Variants in ACBD6 observed in about 807,000 individuals in gnomAD.
The protein encoded by ACBD6 is acyl-CoA binding domain containing 6.
A neutral mutation model predicts 37.2 loss-of-function variants in ACBD6; 28 were observed. That is an observed-to-expected ratio of 0.75 (90% CI 0.56 to 1.03). ACBD6 has a LOEUF of 1.03. Among genes scored for constraint, ACBD6 ranks in the 50% least tolerant of loss-of-function variants. The pLI is 0.00. For synonymous variants in ACBD6, 113 were observed against 126.8 expected, an observed-to-expected ratio of 0.89 and a Z score of 0.73; for missense variants, 340 against 337.4, an observed-to-expected ratio of 1.01 and a Z score of -0.06.
chr1:180,286,503 T>C (rs1222850640), downstream of ACBD6, among the ~76,000 whole-genome samples: 1 of 152,220 alleles, frequency 6.6e-6, no homozygotes, highest in Non-Finnish European at 1.5e-5. Flanking sequence ...TAATACCAAT[T>C]AAAAACTGAA....
At chr1:180,501,445 A>T (rs1220124521) in intron 1 of ACBD6, among the ~76,000 whole-genome samples, 2 of 152,124 alleles carry the variant, frequency 1.3e-5, no homozygotes, top group Non-Finnish European at 2.9e-5. Context: ...CCGCCTCCTC[A>T]GCCTCCCGAG....
At chr1:180,412,852 T>TGA (rs1351618367) in intron 5 of ACBD6, among the ~76,000 whole-genome samples, 2 of 152,062 alleles carry the variant, frequency 1.3e-5, no homozygotes, top group Non-Finnish European at 2.9e-5. Flanking sequence ...GGCAACAGAG[T>TGA]GAGACCCTGT....
intron 3 of ACBD6, among the ~76,000 whole-genome samples, chr1:180,463,266 A>C (rs1019648466): frequency 7.9e-5 from 12 of 152,220 alleles, no homozygotes; most frequent in African/African-American, 2.9e-4. Flanking sequence ...CATTCAAAAG[A>C]TCGATGAATC....
chr1:180,363,684 GT>G (rs2101906076), intron 6 of ACBD6, among the ~76,000 whole-genome samples: 2 of 63,044 alleles, frequency 3.2e-5, no homozygotes, highest in South Asian at 1.7e-3. Context: ...GCCAATCAGA[GT>G]AAGCAGGAGC....
intron 6 of ACBD6, among the ~76,000 whole-genome samples, chr1:180,357,554 G>A (rs1652675694): frequency 6.6e-6 from 1 of 152,120 alleles, no homozygotes; most frequent in African/African-American, 2.4e-5. Flanking sequence ...ATCCAACTAA[G>A]AGAAGAAAGG....
At chr1:180,351,610 C>T (rs1652424479) in intron 6 of ACBD6, among the ~76,000 whole-genome samples, 1 of 127,240 alleles carries the variant, frequency 7.9e-6, no homozygotes, top group Non-Finnish European at 1.6e-5. Context: ...TTTGATAGGG[C>T]ATTGAGATAC....
intron 6 of ACBD6, among the ~76,000 whole-genome samples, chr1:180,395,337 G>A (rs1046110854): frequency 2.0e-5 from 3 of 152,132 alleles, no homozygotes; most frequent in African/African-American, 7.2e-5. Context: ...TGAGATCTGG[G>A]TTGGTGATAA....
At chr1:180,327,894 T>C (rs1005214757) in intron 6 of ACBD6, among the ~76,000 whole-genome samples, 9 of 152,216 alleles carry the variant, frequency 5.9e-5, no homozygotes, top group African/African-American at 2.2e-4. Flanking sequence ...TCCTCACATG[T>C]ACTCTGCAGC....
At chr1:180,416,289 A>C (rs1648092729) in intron 4 of ACBD6, among the ~76,000 whole-genome samples, 1 of 152,168 alleles carries the variant, frequency 6.6e-6, no homozygotes, top group African/African-American at 2.4e-5. Context: ...TGTATAAATC[A>C]AACTTTCTCC....
intron 6 of ACBD6, among the ~76,000 whole-genome samples, chr1:180,382,550 A>G (rs1300661188): frequency 6.6e-6 from 1 of 152,224 alleles, no homozygotes; most frequent in Non-Finnish European, 1.5e-5. Flanking sequence ...AATGAGATTG[A>G]ATCAGTGATA....
chr1:180,434,834 A>C (rs537335055), intron 3 of ACBD6: 1 of 736,752 alleles, frequency 1.4e-6, no homozygotes, highest in Non-Finnish European at 2.5e-6. Context: ...AATCTTGGCA[A>C]ATCTGCCAGG....
chr1:180,445,954 T>C (rs1649454899), intron 3 of ACBD6, among the ~76,000 whole-genome samples: 2 of 152,156 alleles, frequency 1.3e-5, no homozygotes, highest in Non-Finnish European at 2.9e-5. Context: ...TTGGAAACCA[T>C]TATTACATAC....
At chr1:180,455,779 T>C (rs564288534) in intron 3 of ACBD6, among the ~76,000 whole-genome samples, 1 of 152,308 alleles carries the variant, frequency 6.6e-6, no homozygotes, top group East Asian at 1.9e-4. Context: ...TATATACACT[T>C]TTTAAAAAAT....
intron 6 of ACBD6, among the ~76,000 whole-genome samples, chr1:180,363,533 AAAG>A (rs1652923396): frequency 1.3e-5 from 2 of 152,210 alleles, no homozygotes; most frequent in Non-Finnish European, 2.9e-5. Context: ...AAGCAGGAAA[AAAG>A]GAGAGAAAAT....
intron 9 of ACBD6, among the ~76,000 whole-genome samples, chr1:180,279,840 A>T (rs1050513778): frequency 7.2e-6 from 1 of 138,816 alleles, no homozygotes; most frequent in Non-Finnish European, 1.6e-5. Context: ...TCATTACATT[A>T]AAAAAAAAAA....
At chr1:180,346,541 G>A (rs953814341) in intron 6 of ACBD6, among the ~76,000 whole-genome samples, 24 of 152,138 alleles carry the variant, frequency 1.6e-4, no homozygotes, top group African/African-American at 5.8e-4. Context: ...TTTGTGAACT[G>A]CCTAAGGAGA....
chr1:180,500,830 A>T (rs1316385168), intron 1 of ACBD6, among the ~76,000 whole-genome samples: 70 of 7,716 alleles, frequency 9.1e-3, no homozygotes, highest in African/African-American at 0.013. Context: ...GACCCTCTGT[A>T]AAAAAAAAAA....
intron 6 of ACBD6, among the ~76,000 whole-genome samples, chr1:180,378,110 G>A (rs937006506): frequency 1.3e-5 from 2 of 151,990 alleles, no homozygotes; most frequent in East Asian, 1.9e-4. Context: ...CTATCATAAC[G>A]AAGTGATCAA....
chr1:180,449,110 T>A (rs1030256839), intron 3 of ACBD6, among the ~76,000 whole-genome samples: 3 of 152,200 alleles, frequency 2.0e-5, no homozygotes, highest in Non-Finnish European at 2.9e-5. Flanking sequence ...CTCTTTTCCA[T>A]TATTTTTGTC....
Sources: gnomAD v4.1 joint callset for allele counts (sites outside exome capture counted in the v4.1 genomes callset) on GRCh38, gnomAD v4.1.1 for gene constraint, MANE v1.5 for transcripts, NCBI Gene and HGNC (gene_info 2026-07-23, HGNC 2026-07-21) for gene names.